The following TMEM182 variants were observed in gnomAD, a reference collection of about 807,000 sequenced individuals.
TMEM182 encodes transmembrane protein 182.
In TMEM182, 20 loss-of-function variants were observed where a neutral mutation model predicts 26.8. The observed-to-expected ratio is 0.75, with a 90% confidence interval of 0.53 to 1.09. TMEM182 has a LOEUF of 1.09. Ranked by LOEUF, TMEM182 falls within the 50% of genes least tolerant of loss-of-function variation. TMEM182 has a pLI of 0.00. For missense variants in TMEM182, 277 were observed against 275.5 expected (o/e 1.01, Z -0.04); for synonymous variants, 109 against 102.2 (o/e 1.07, Z -0.40).
At chr2:102,817,809 G>T (rs1192376276), downstream of TMEM182, 8 of 715,236 alleles carry the variant, frequency 1.1e-5, no homozygotes, top group Admixed American at 4.4e-4. Context: ...GAGATACATT[G>T]AATGGTATAA....
intron 1 of TMEM182, among the ~76,000 whole-genome samples, chr2:102,738,345 A>G (rs1679428081): frequency 6.6e-6 from 1 of 152,196 alleles, no homozygotes; most frequent in South Asian, 2.1e-4. Context: ...CTGTAATCCC[A>G]GGACTTTGGG....
At chr2:102,748,560 AT>A (rs1421094256) in intron 1 of TMEM182, among the ~76,000 whole-genome samples, 1 of 152,170 alleles carries the variant, frequency 6.6e-6, no homozygotes, top group African/African-American at 2.4e-5. Flanking sequence ...CTTGAATTCT[AT>A]TTTTTAGTCT....
intron 3 of TMEM182, among the ~76,000 whole-genome samples, chr2:102,791,723 C>T (rs771379236): frequency 6.6e-6 from 1 of 152,102 alleles, no homozygotes; most frequent in Non-Finnish European, 1.5e-5. Context: ...GTAAATCTTG[C>T]TTCATGTTCT....
chr2:102,798,455 G>T (rs548582964), intron 4 of TMEM182, among the ~76,000 whole-genome samples: 23 of 152,168 alleles, frequency 1.5e-4, no homozygotes, highest in Admixed American at 1.5e-3. Flanking sequence ...TTCAAAGATA[G>T]CCCTGTGATG....
At chr2:102,771,586 T>A (rs1680676748) in intron 3 of TMEM182, among the ~76,000 whole-genome samples, 1 of 152,228 alleles carries the variant, frequency 6.6e-6, no homozygotes, top group Admixed American at 6.5e-5. Flanking sequence ...CCTGCAACGA[T>A]GAGAGGCAAT....
At chr2:102,782,095 C>T (rs906062624) in intron 3 of TMEM182, among the ~76,000 whole-genome samples, 105 of 152,216 alleles carry the variant, frequency 6.9e-4, no homozygotes, top group Non-Finnish European at 3.8e-4. Flanking sequence ...CACCTGATGT[C>T]GGGAGTTTGA....
rs977305472 is a variant in TMEM182, at chr2:102,764,414, T to C, written c.318T>C (p.Tyr106=). The C allele has an allele frequency of 2.5e-6, 4 of 1,613,776 alleles. No homozygotes were observed. In the African/African-American group the frequency reaches 5.3e-5, roughly 22 times the overall value. Reference sequence around the variant, plus strand: ...GAGGCGAGCACAACTCGACCTCCTATGACTCTGCAGTTAGTAAGTACCCTC... The same window carrying C: ...GAGGCGAGCACAACTCGACCTCCTACGACTCTGCAGTTAGTAAGTACCCTC... ...FMRGEHNSTS[Y]DSAVIYRGFW... The change falls in exon 3 of 5, where the codon TAT becomes TAC. Residue 106 remains tyrosine (Y), a synonymous_variant. Transcript: ENST00000412401.
intron 3 of TMEM182, among the ~76,000 whole-genome samples, chr2:102,840,643 G>T (rs1683332625): frequency 6.6e-6 from 1 of 152,140 alleles, no homozygotes; most frequent in Non-Finnish European, 1.5e-5. Context: ...AAGAACATTT[G>T]ACAGACAATG....
At chr2:102,823,829 G>C (rs189477412) in intron 3 of TMEM182, among the ~76,000 whole-genome samples, 1 of 152,354 alleles carries the variant, frequency 6.6e-6, no homozygotes, top group East Asian at 1.9e-4. Flanking sequence ...AAGAATCCCA[G>C]TGACTGTCCA....
intron 1 of TMEM182, among the ~76,000 whole-genome samples, chr2:102,754,905 C>A (rs1371217479): frequency 6.6e-6 from 1 of 152,134 alleles, no homozygotes; most frequent in Non-Finnish European, 1.5e-5. Context: ...CAGGCAAAGC[C>A]TTCTGTTGCT....
chr2:102,827,587 C>T (rs78076172), intron 3 of TMEM182, among the ~76,000 whole-genome samples: 1 of 152,198 alleles, frequency 6.6e-6, no homozygotes, highest in South Asian at 2.1e-4. Context: ...GTACTTCGTG[C>T]ATCACTGATC....
At chr2:102,772,934 T>G (rs1171780052) in intron 3 of TMEM182, among the ~76,000 whole-genome samples, 3 of 149,744 alleles carry the variant, frequency 2.0e-5, no homozygotes, top group African/African-American at 7.5e-5. Context: ...TTCTGCTCTC[T>G]GAAGGGTGTG....
chr2:102,835,123 T>C (rs1446148367), intron 3 of TMEM182, among the ~76,000 whole-genome samples: 2 of 152,164 alleles, frequency 1.3e-5, no homozygotes, highest in African/African-American at 4.8e-5. Context: ...GTAGAAATGC[T>C]AAATGCAGCA....
chr2:102,837,671 A>T (rs1183903789), intron 3 of TMEM182, among the ~76,000 whole-genome samples: 1 of 152,166 alleles, frequency 6.6e-6, no homozygotes, highest in Non-Finnish European at 1.5e-5. Flanking sequence ...CTGCTGCAGG[A>T]TCACTTGGTT....
intron 4 of TMEM182, among the ~76,000 whole-genome samples, chr2:102,799,724 G>A (rs113216695): frequency 6.6e-6 from 1 of 152,208 alleles, no homozygotes; most frequent in African/African-American, 2.4e-5. Flanking sequence ...GGCAAACAAG[G>A]TAGGTCCGGT....
chr2:102,806,673 A>AATG (rs1682361541), intron 4 of TMEM182, among the ~76,000 whole-genome samples: 1 of 152,132 alleles, frequency 6.6e-6, no homozygotes, highest in Admixed American at 6.5e-5. Flanking sequence ...TAATAATAAT[A>AATG]ATAATAACAA....
At chr2:102,762,517 T>A in intron 1 of TMEM182, 70 bp from the exon 2 acceptor site, 2 of 1,554,900 alleles carry the variant, frequency 1.3e-6, no homozygotes, top group Non-Finnish European at 1.7e-6. Context: ...CCTTAAAAAT[T>A]TACTGGCTGT....
intron 1 of TMEM182, among the ~76,000 whole-genome samples, chr2:102,737,423 A>G (rs187476746): frequency 1.2e-3 from 189 of 152,360 alleles, no homozygotes; most frequent in African/African-American, 4.4e-3. Context: ...CAGTAAATAA[A>G]CATAAATAAA....
chr2:102,823,373 C>T (rs539903010), intron 3 of TMEM182, among the ~76,000 whole-genome samples: 108 of 152,152 alleles, frequency 7.1e-4, no homozygotes, highest in Admixed American at 1.8e-3. Flanking sequence ...CAAACTGTCG[C>T]CTGGGCTGGA....
Sources: gnomAD v4.1 joint callset for allele counts (sites outside exome capture counted in the v4.1 genomes callset) on GRCh38, gnomAD v4.1.1 for gene constraint, MANE v1.5 for transcripts, NCBI Gene and HGNC (gene_info 2026-07-23, HGNC 2026-07-21) for gene names.